The following GKAP1 variants were observed in gnomAD, a reference collection of about 807,000 sequenced individuals.
GKAP1 encodes the protein G kinase-anchoring protein 1.
A neutral mutation model predicts 56.7 loss-of-function variants in GKAP1; 31 were observed. The ratio of observed to expected loss-of-function variants is 0.55; its 90% CI spans 0.41 to 0.74. GKAP1 has a LOEUF of 0.74. Among genes scored for constraint, GKAP1 ranks in the 30% least tolerant of loss-of-function variants. The probability of loss-of-function intolerance (pLI) is 0.00; values close to 1 mark genes in which losing one functional copy is unlikely to be tolerated. For synonymous variants in GKAP1, 151 were observed against 138.6 expected (o/e 1.09, Z -0.63); for missense variants, 364 against 402.3 (o/e 0.90, Z 0.82).
chr9:83,808,312 T>C (rs554898992), intron 2 of GKAP1, among the ~76,000 whole-genome samples: 25 of 152,286 alleles, frequency 1.6e-4, no homozygotes, highest in African/African-American at 5.3e-4. Context: ...AATAACCTTA[T>C]AGGCCGGGTG....
chr9:83,800,253 T>C (rs1944308835), intron 3 of GKAP1, among the ~76,000 whole-genome samples: 1 of 150,892 alleles, frequency 6.6e-6, no homozygotes, highest in Non-Finnish European at 1.5e-5. Flanking sequence ...ACACTGAGCA[T>C]ACTGCCTATG....
chr9:83,798,730 G>A (rs1304370282), intron 4 of GKAP1, among the ~76,000 whole-genome samples: 1 of 151,978 alleles, frequency 6.6e-6, no homozygotes, highest in Non-Finnish European at 1.5e-5. Flanking sequence ...GGCCCAGGGT[G>A]GTCTCAAACT....
chr9:83,763,182 C>G (rs1019334213), intron 8 of GKAP1, among the ~76,000 whole-genome samples: 3 of 152,112 alleles, frequency 2.0e-5, no homozygotes, highest in Non-Finnish European at 4.4e-5. Flanking sequence ...AAGCCAGGCA[C>G]AGAAAGGCAA....
intron 3 of GKAP1, among the ~76,000 whole-genome samples, chr9:83,799,713 G>A (rs1944301441): frequency 6.6e-6 from 1 of 152,146 alleles, no homozygotes; most frequent in Non-Finnish European, 1.5e-5. Flanking sequence ...TAGCCCATTG[G>A]AAGGGTGAAG....
chr9:83,804,413 C>T (rs1223773318), intron 3 of GKAP1, among the ~76,000 whole-genome samples: 2 of 138,352 alleles, frequency 1.4e-5, no homozygotes, highest in East Asian at 2.3e-4. Flanking sequence ...GTCAGCCCCC[C>T]GCCCGGCCAG....
intron 8 of GKAP1, among the ~76,000 whole-genome samples, chr9:83,753,708 TAAA>T (rs774745384): frequency 6.6e-6 from 1 of 152,014 alleles, no homozygotes; most frequent in African/African-American, 2.4e-5. Flanking sequence ...ACAAAATTAA[TAAA>T]AAATATGAAA....
intron 7 of GKAP1, among the ~76,000 whole-genome samples, chr9:83,778,231 T>C (rs562297752): frequency 1.6e-4 from 25 of 152,306 alleles, no homozygotes; most frequent in Middle Eastern, 3.4e-3. Flanking sequence ...GGTTCTATTA[T>C]AAAGACACGT....
chr9:83,753,333 A>G lies in GKAP1; in HGVS notation c.765T>C (p.Ile255=). Reference sequence around the variant, plus strand: ...TTTCAAGCTCTAACTTTAGTCTTTCAATTCTTCCATCTTTCAGAACCACTT... The same window carrying G: ...TTTCAAGCTCTAACTTTAGTCTTTCGATTCTTCCATCTTTCAGAACCACTT... ...NQEVVLKDGR[I]ERLKLELERK... Residue 255 remains isoleucine (I), a synonymous_variant, in exon 9 of 13, where the codon ATT becomes ATC. Coordinates refer to ENST00000376371, the MANE Select transcript of GKAP1 (RefSeq NM_025211.4). 6.2e-7 allele frequency: 1 copy of G among 1,608,146 alleles called. No homozygotes were observed. The highest frequency in any genetic ancestry group is 8.5e-7 in the Non-Finnish European group (1 of 1,175,450).
chr9:83,742,671 C>G, intron 10 of GKAP1, 71 bp from the exon 11 acceptor site: 1 of 906,314 alleles, frequency 1.1e-6, no homozygotes, highest in Non-Finnish European at 1.8e-6. Context: ...CTTCAGGGAA[C>G]TAAGACATAG....
intron 4 of GKAP1, among the ~76,000 whole-genome samples, chr9:83,790,885 A>G (rs1944146483): frequency 6.6e-6 from 1 of 152,160 alleles, no homozygotes. Context: ...TCAATTTGCC[A>G]CTAAAATTTT....
chr9:83,792,253 A>T (rs1944172023), intron 4 of GKAP1, among the ~76,000 whole-genome samples: 1 of 152,226 alleles, frequency 6.6e-6, no homozygotes, highest in Non-Finnish European at 1.5e-5. Context: ...ATGAATTAGA[A>T]TTACTCTCCC....
At chr9:83,775,878 A>C (rs2131278498) in intron 7 of GKAP1, among the ~76,000 whole-genome samples, 1 of 148,906 alleles carries the variant, frequency 6.7e-6, no homozygotes, top group East Asian at 1.9e-4. Context: ...CTGTCTCAAA[A>C]AAAAAAAAAA....
chr9:83,808,370 C>A (rs1409969241), intron 2 of GKAP1, among the ~76,000 whole-genome samples: 1 of 152,052 alleles, frequency 6.6e-6, no homozygotes, highest in Admixed American at 6.6e-5. Context: ...CCGAGGTGGG[C>A]AGGTCACTGG....
Position 83,788,690 on chromosome 9 carries a change from A to C in GKAP1, c.361-12T>G. Reference sequence around the variant, plus strand: ...ATTTCAGATGTCAGCTACAAAAAAAAAGTTTCACAATAAACAGACAGTATC... The same window carrying C: ...ATTTCAGATGTCAGCTACAAAAAAACAGTTTCACAATAAACAGACAGTATC... On this transcript the variant is annotated splice_polypyrimidine_tract_variant and intron_variant, in intron 4 of 12. Coordinates refer to ENST00000376371, the MANE Select transcript of GKAP1 (RefSeq NM_025211.4). The C allele has an allele frequency of 1.3e-6, 2 of 1,579,194 alleles. No homozygotes were observed. Among genetic ancestry groups the C allele is most frequent in the Non-Finnish European group, 1.7e-6 (2 of 1,153,500 alleles).
Position 83,788,627 on chromosome 9 carries a change from T to C in GKAP1, c.412A>G (p.Lys138Glu). The change falls in exon 5 of 13, where the codon AAA becomes GAA. Residue 138 changes from lysine (K) to glutamate (E), a missense_variant. Coordinates refer to ENST00000376371, the MANE Select transcript of GKAP1 (RefSeq NM_025211.4). ...ADLEKALLLSKLEYEEHKKEY... is the reference protein window; with the variant it reads ...ADLEKALLLSELEYEEHKKEY... ...TTTTTGTGCTCTTCATATTCTAGTT[T>C]ACTTAGTAACAATGCCTTCTCAAGA... The C allele has an allele frequency of 6.2e-7, 1 of 1,600,408 alleles. No individual in the cohort carries two copies. Among genetic ancestry groups the C allele is most frequent in the Non-Finnish European group, 8.5e-7 (1 of 1,171,848 alleles).
intron 10 of GKAP1, among the ~76,000 whole-genome samples, chr9:83,747,829 G>C (rs558086219): frequency 1.3e-5 from 2 of 152,148 alleles, no homozygotes; most frequent in Non-Finnish European, 2.9e-5. Flanking sequence ...TAGAGATGTG[G>C]TTTCACCATG....
rs184539949 is a variant in GKAP1 at position 83,752,852 on chromosome 9, C to A, written c.840+406G>T. Among the ~76,000 whole-genome samples, 34 of 152,228 alleles carry A rather than the reference C, an allele frequency of 2.2e-4. 1 individual carries two copies. The highest frequency in any genetic ancestry group is 1.8e-3 in the Admixed American group (28 of 15,280). On this transcript the variant is annotated intron_variant, in intron 9 of 12. Transcript: ENST00000376371. ...TTGGGAGGCTGGGGTGGGCGGATCT[C>A]TTGAGGCCAGGAGTTCGTGACCAGC... is the stretch of plus-strand genomic sequence containing the variant.
intron 2 of GKAP1, among the ~76,000 whole-genome samples, chr9:83,815,008 C>T (rs183926134): frequency 5.4e-4 from 82 of 152,012 alleles, no homozygotes; most frequent in Non-Finnish European, 9.0e-4. Context: ...CCCATCTCTA[C>T]TAAAAATACA....
chr9:83,780,593 G>C (rs957080990), intron 6 of GKAP1, among the ~76,000 whole-genome samples, 189 bp from the exon 7 acceptor site: 17 of 151,872 alleles, frequency 1.1e-4, no homozygotes, highest in Admixed American at 9.8e-4. Flanking sequence ...TTAAAATTCA[G>C]TATATAATTA....
Sources: allele counts gnomAD v4.1 joint callset (sites outside exome capture counted in the v4.1 genomes callset), GRCh38; gene constraint gnomAD v4.1.1; transcripts MANE v1.5; gene names NCBI Gene and HGNC (gene_info 2026-07-23, HGNC 2026-07-21).